TIAM2: variants seen among roughly 807,000 people sequenced by gnomAD.
TIAM2 encodes rho guanine nucleotide exchange factor TIAM2.
In TIAM2, 80 loss-of-function variants were observed where a neutral mutation model predicts 152.9. The ratio of observed to expected loss-of-function variants is 0.52; its 90% confidence interval spans 0.44 to 0.63. The LOEUF (loss-of-function observed/expected upper bound fraction) is 0.63, where lower values mean the gene tolerates loss of function less well. Among genes scored for constraint, TIAM2 ranks in the 30% least tolerant of loss-of-function variants. The pLI is 0.00. For synonymous variants in TIAM2, 804 were observed against 838.0 expected, an observed-to-expected ratio of 0.96 and a Z score of 0.70; for missense variants, 1,965 against 2,120.1, an observed-to-expected ratio of 0.93 and a Z score of 1.44.
chr6:155,079,329 C>T (rs111867251), intron 1 of TIAM2, among the ~76,000 whole-genome samples: 5,003 of 152,222 alleles, frequency 0.033, 282 homozygotes, highest in African/African-American at 0.11. Context: ...CCCAAAGTGC[C>T]GGGATTACAG....
intron 1 of TIAM2, among the ~76,000 whole-genome samples, chr6:155,053,954 G>C (rs568342375): frequency 6.6e-6 from 1 of 152,084 alleles, no homozygotes; most frequent in Admixed American, 6.6e-5. Context: ...GAGGCGGGCA[G>C]ATCACCTGAG....
chr6:155,029,490 GTATATAT>G lies in TIAM2; in HGVS notation c.-209+34006_-209+34012del, dbSNP rs1562295229. Among the ~76,000 whole-genome samples the G allele has an allele frequency of 7.7e-4, 24 of 31,202 alleles. 6 individuals carry two copies. Among genetic ancestry groups the G allele is most frequent in the African/African-American group, 3.1e-3 (24 of 7,864 alleles). 20.5% of individuals were successfully genotyped at this position (31,202 alleles called of 152,430 possible). A position where few individuals can be genotyped will look rare whatever the true frequency, so the allele number is the denominator to read the frequency against. On this transcript the variant is annotated intron_variant, in intron 1 of 26. Coordinates refer to ENST00000682666, the MANE Select transcript of TIAM2 (RefSeq NM_012454.4). Reference sequence around the variant, plus strand: ...TATATACTATAGTATATATACTATAGTATATATTATATATAATATATACTATATATTA... The same window carrying G: ...TATATACTATAGTATATATACTATAGTATATATAATATATACTATATATTA...
At chr6:155,032,703 G>C (rs1336395100) in intron 1 of TIAM2, among the ~76,000 whole-genome samples, 1 of 152,108 alleles carries the variant, frequency 6.6e-6, no homozygotes, top group Admixed American at 6.5e-5. Flanking sequence ...ACCACGCCCA[G>C]CTAATTTTTT....
intron 1 of TIAM2, among the ~76,000 whole-genome samples, chr6:155,076,827 C>G (rs888553191): frequency 6.6e-6 from 1 of 152,186 alleles, no homozygotes. Context: ...TCCCGAGTAG[C>G]TGGGATTACA....
At chr6:155,004,973 G>GTAA (rs1778375485) in intron 1 of TIAM2, 1 of 332,122 alleles carries the variant, frequency 3.0e-6, no homozygotes, top group African/African-American at 2.2e-5. Flanking sequence ...TCCCAGGCAG[G>GTAA]CCTTCACTTA....
At chr6:155,208,749 C>G (rs1416771874) in intron 14 of TIAM2, among the ~76,000 whole-genome samples, 1 of 152,124 alleles carries the variant, frequency 6.6e-6, no homozygotes, top group Non-Finnish European at 1.5e-5. Flanking sequence ...AATGCTCAAC[C>G]ATCCCTTTTT....
At chr6:155,133,779 G>T (rs1041041634) in intron 4 of TIAM2, among the ~76,000 whole-genome samples, 4 of 151,218 alleles carry the variant, frequency 2.6e-5, no homozygotes, top group African/African-American at 9.8e-5. Flanking sequence ...TTTTTGCCCA[G>T]GCTGTAGTGC....
At chr6:155,034,593 T>A (rs894291010) in intron 1 of TIAM2, among the ~76,000 whole-genome samples, 4 of 152,296 alleles carry the variant, frequency 2.6e-5, no homozygotes, top group African/African-American at 9.6e-5. Context: ...TGTCTTCATC[T>A]AGATGTTTGC....
chr6:155,120,812 C>A (rs1364307205), intron 2 of TIAM2, among the ~76,000 whole-genome samples: 3 of 152,176 alleles, frequency 2.0e-5, no homozygotes, highest in Admixed American at 6.5e-5. Flanking sequence ...CAGTAGCAGA[C>A]CCCAGTTGTG....
In TIAM2 at chr6:155,257,208, A is replaced by G; in HGVS notation, c.*87A>G. 2 of 1,352,978 alleles carry G rather than the reference A, an allele frequency of 1.5e-6. No individual in the cohort carries two copies. The highest frequency in any genetic ancestry group is 2.1e-4 in the Middle Eastern group (1 of 4,666). 83.8% of individuals were successfully genotyped at this position (1,352,978 alleles called of 1,614,324 possible). ...GAAATTGCAAAAAAAAAAAAAAAAA[A>G]AAACTGTTCATTCCTGGGTTTTGTG... is the stretch of plus-strand genomic sequence containing the variant. On this transcript the variant is annotated 3_prime_UTR_variant, in exon 27 of 27. Transcript: ENST00000682666.
intron 1 of TIAM2, among the ~76,000 whole-genome samples, chr6:155,004,584 C>T (rs922442169): frequency 4.6e-5 from 7 of 151,972 alleles, no homozygotes; most frequent in South Asian, 2.1e-4. Context: ...TTAGTAGAGA[C>T]GGGGTTTCAC....
intron 1 of TIAM2, among the ~76,000 whole-genome samples, chr6:155,044,963 C>T (rs984103863): frequency 6.6e-6 from 1 of 151,988 alleles, no homozygotes; most frequent in Admixed American, 6.6e-5. Flanking sequence ...TTTATTTCTC[C>T]GATCCATTGG....
chr6:155,111,225 C>T (rs913642789), intron 2 of TIAM2, among the ~76,000 whole-genome samples: 1 of 151,136 alleles, frequency 6.6e-6, no homozygotes, highest in East Asian at 1.9e-4. Context: ...AGTAGTGAAC[C>T]GAGGAAACTC....
At chr6:155,077,203 C>T (rs953440341) in intron 1 of TIAM2, among the ~76,000 whole-genome samples, 1 of 147,778 alleles carries the variant, frequency 6.8e-6, no homozygotes, top group Non-Finnish European at 1.5e-5. Context: ...TTTTAAAGAA[C>T]AGGAACCCTA....
In TIAM2 at chr6:155,051,237, G is replaced by A. The variant is rs1355285266; in HGVS notation, c.-208-39052G>A. 2.0e-5 allele frequency among the ~76,000 whole-genome samples: 3 copies of A among 152,142 alleles called. No individual in the cohort carries two copies. In the East Asian group the frequency reaches 5.8e-4, roughly 29 times the overall value. ...AGAATAAGAAGAATGGAGATGGTGG[G>A]TCTCAGAGGCCAAGTCCGGAAGGCA... On this transcript the variant is annotated intron_variant, in intron 1 of 26. Coordinates refer to ENST00000682666, the MANE Select transcript of TIAM2 (RefSeq NM_012454.4).
intron 1 of TIAM2, among the ~76,000 whole-genome samples, chr6:155,063,122 A>T (rs1583173298): frequency 6.7e-6 from 1 of 149,830 alleles, no homozygotes; most frequent in African/African-American, 2.5e-5. Context: ...GTGACTTGTC[A>T]TTTTTTTTTT....
intron 1 of TIAM2, among the ~76,000 whole-genome samples, chr6:154,997,365 G>A (rs1425586515): frequency 6.6e-6 from 1 of 152,162 alleles, no homozygotes; most frequent in Non-Finnish European, 1.5e-5. Context: ...TTGCACAGTT[G>A]TTCAGGCTGT....
intron 2 of TIAM2, among the ~76,000 whole-genome samples, chr6:155,092,555 A>C (rs996712629): frequency 6.6e-6 from 1 of 152,108 alleles, no homozygotes; most frequent in Admixed American, 6.5e-5. Context: ...TTATATATTC[A>C]ATATACAAAT....
Position 155,214,873 on chromosome 6 carries a change from T to A in TIAM2, c.3168+3566T>A, listed in dbSNP as rs1436585190. 6.6e-6 allele frequency among the ~76,000 whole-genome samples: 1 copy of A among 152,210 alleles called. No individual in the cohort carries two copies. The highest frequency in any genetic ancestry group is 6.5e-5 in the Admixed American group (1 of 15,282). ...TGAGGCTGGTCTCAAACTCCTGGGC[T>A]CAAGAGATCCTACTGCCCCGGCCTC... is the stretch of plus-strand genomic sequence containing the variant. On this transcript the variant is annotated intron_variant, in intron 15 of 26. Coordinates refer to ENST00000682666, the MANE Select transcript of TIAM2 (RefSeq NM_012454.4). The surrounding 1 kb of genome is among the most constrained non-coding windows in gnomAD (Gnocchi z 5.4).
Sources: allele counts gnomAD v4.1 joint callset (sites outside exome capture counted in the v4.1 genomes callset), GRCh38; gene constraint gnomAD v4.1.1; non-coding constraint Gnocchi (gnomAD v3.1); transcripts MANE v1.5; gene names NCBI Gene and HGNC (gene_info 2026-07-23, HGNC 2026-07-21).